FOXN1: variants seen among roughly 807,000 people sequenced by gnomAD.
The protein encoded by FOXN1 is forkhead box N1.
In FOXN1, 15 loss-of-function variants were observed where a neutral mutation model predicts 49.0. The observed-to-expected ratio is 0.31, with a 90% confidence interval of 0.20 to 0.47. The LOEUF (loss-of-function observed/expected upper bound fraction) is 0.47. FOXN1 is among the 20% of genes least tolerant of loss of function. The pLI is 1.00. For missense variants in FOXN1, 800 were observed against 842.8 expected, an observed-to-expected ratio of 0.95 and a Z score of 0.63; for synonymous variants, 356 against 369.0, an observed-to-expected ratio of 0.96 and a Z score of 0.40.
intron 6 of FOXN1, among the ~76,000 whole-genome samples, chr17:28,532,152 A>G (rs1298380932): frequency 6.6e-6 from 1 of 152,000 alleles, no homozygotes; most frequent in Non-Finnish European, 1.5e-5. Context: ...CTTCCCCACC[A>G]GCTCCCGGCC....
intron 4 of FOXN1, among the ~76,000 whole-genome samples, chr17:28,528,767 C>G (rs1005830831): frequency 1.3e-5 from 2 of 152,230 alleles, no homozygotes; most frequent in Non-Finnish European, 2.9e-5. Flanking sequence ...GCACTGGGAG[C>G]ACCTTCCTGG....
At chr17:28,524,326 T>A (rs1197087523) in intron 2 of FOXN1, among the ~76,000 whole-genome samples, 177 bp from the exon 3 acceptor site, 1 of 138,426 alleles carries the variant, frequency 7.2e-6, no homozygotes, top group Admixed American at 7.3e-5. Flanking sequence ...CCAGGTTTCA[T>A]GGCAGGGTGC....
At chr17:28,531,524 G>C (rs991216064) in intron 6 of FOXN1, among the ~76,000 whole-genome samples, 5 of 152,256 alleles carry the variant, frequency 3.3e-5, no homozygotes, top group African/African-American at 1.2e-4. Flanking sequence ...CATCAGACAG[G>C]GTGGTCCATT....
rs558599842 is a variant in FOXN1 at position 28,517,975 on chromosome 17, C to G, written c.-14-5981C>G. 8.1e-3 allele frequency among the ~76,000 whole-genome samples: 941 copies of G among 116,380 alleles called. 1 individual carries two copies. Among genetic ancestry groups the G allele is most frequent in the African/African-American group, 0.018 (512 of 28,046 alleles). 76.3% of individuals were successfully genotyped at this position (116,380 alleles called of 152,430 possible). ...ACACACCTCCACAGGGTACATGCCT[C>G]CACTGGGTACACACCTCCACAGGAT... On this transcript the variant is annotated intron_variant, in intron 1 of 8. Transcript: ENST00000579795.
chr17:28,533,493 C>A (rs1005939032), intron 6 of FOXN1, among the ~76,000 whole-genome samples: 2 of 143,042 alleles, frequency 1.4e-5, no homozygotes, highest in Non-Finnish European at 3.0e-5. Flanking sequence ...GCACCCCCCC[C>A]CACTGCCTGA....
chr17:28,527,113 C>T (rs1597555074), intron 3 of FOXN1, 138 bp from the exon 4 acceptor site: 1 of 715,114 alleles, frequency 1.4e-6, no homozygotes, highest in Non-Finnish European at 2.6e-6. Flanking sequence ...CTCTGCCCTT[C>T]TCTGTTCTCT....
At position 28,524,644 on chromosome 17, in the gene FOXN1, G is replaced by T; in HGVS notation, c.265G>T (p.Gly89Trp). ...CCACTGCCCAGCCGGCCCCGGCCCTGGGCCCTTCAGGCTCTCACCCTCAGA... is the reference window on the plus strand; with the variant it reads ...CCACTGCCCAGCCGGCCCCGGCCCTTGGCCCTTCAGGCTCTCACCCTCAGA... ...QGHCPAGPGP[G>W]PFRLSPSDKY... Residue 89 changes from glycine to tryptophan, a missense_variant, in exon 3 of 9, where the codon GGG becomes TGG. By Grantham distance (184) the Gly-to-Trp change is radical. Coordinates refer to ENST00000579795, the MANE Select transcript of FOXN1 (RefSeq NM_001369369.1). The T allele has an allele frequency of 1.2e-6, 2 of 1,613,704 alleles. No homozygotes were observed. Among genetic ancestry groups the T allele is most frequent in the Non-Finnish European group, 1.7e-6 (2 of 1,179,966 alleles).
intron 1 of FOXN1, among the ~76,000 whole-genome samples, chr17:28,516,227 G>A (rs1367393867): frequency 1.4e-5 from 2 of 145,700 alleles, no homozygotes; most frequent in African/African-American, 5.2e-5. Flanking sequence ...GCTCCAAAGG[G>A]TACACATCTC....
intron 3 of FOXN1, 131 bp downstream of exon 3, chr17:28,525,098 T>C (rs986291121): frequency 6.5e-6 from 5 of 768,624 alleles, no homozygotes; most frequent in Non-Finnish European, 1.1e-5. Context: ...GACCAGAGAG[T>C]TGGGGCCTCC....
rs546863359 is a variant in FOXN1, at chr17:28,537,331, C to T, written c.1842C>T (p.Thr614=). ...GGGCACTGGGTGACCTGCACCTCACCACCCTCTACTCTGCCTTTATGGAGC... is the reference window on the plus strand; with the variant it reads ...GGGCACTGGGTGACCTGCACCTCACTACCCTCTACTCTGCCTTTATGGAGC... ...GSGALGDLHL[T]TLYSAFMELE... is the part of the protein sequence containing the mutation. Residue 614 remains threonine, a synonymous_variant, in exon 9 of 9, where the codon ACC becomes ACT. Transcript: ENST00000579795. The T allele has an allele frequency of 2.5e-6, 4 of 1,613,436 alleles. No homozygotes were observed. The African/African-American group carries it at 5.3e-5, about 22-fold the overall frequency.
chr17:28,529,152 A>G lies in FOXN1; in HGVS notation c.758A>G (p.Tyr253Cys). Residue 253 changes from tyrosine (Y) to cysteine (C), a missense_variant, in exon 5 of 9, where the codon TAC becomes TGC. Tyr to Cys is a radical substitution (Grantham distance 194). This residue lies in a region of FOXN1 where 383 missense variants were observed against 357.9 expected (regional missense o/e 1.07). Coordinates refer to ENST00000579795, the MANE Select transcript of FOXN1 (RefSeq NM_001369369.1). ...IPYLGSSHYQ[Y>C]QRMAPQASTD... is the part of the protein sequence containing the mutation. Reference sequence around the variant, plus strand: ...TACCTGGGCTCCTCACACTATCAGTACCAGCGAATGGCACCCCAGGCCAGC... The same window carrying G: ...TACCTGGGCTCCTCACACTATCAGTGCCAGCGAATGGCACCCCAGGCCAGC... 1 of 1,614,178 alleles carries G rather than the reference A, an allele frequency of 6.2e-7. No individual in the cohort carries two copies. The highest frequency in any genetic ancestry group is 8.5e-7 in the Non-Finnish European group (1 of 1,180,016).
At chr17:28,533,009 G>A (rs971148261) in intron 6 of FOXN1, among the ~76,000 whole-genome samples, 1 of 152,130 alleles carries the variant, frequency 6.6e-6, no homozygotes, top group Admixed American at 6.5e-5. Flanking sequence ...GGTGACCCTG[G>A]GAGCCTTAGG....
intron 1 of FOXN1, among the ~76,000 whole-genome samples, chr17:28,516,464 GGTACACACTTCCACAGA>G (rs2069504023): frequency 6.7e-6 from 1 of 148,412 alleles, no homozygotes; most frequent in Non-Finnish European, 1.5e-5. Context: ...ACCTCCACAG[GGTACACACTTCCACAGA>G]GTACACACCT....
chr17:28,534,632 A>G lies in FOXN1; in HGVS notation c.1136-75A>G. On this transcript the variant is annotated intron_variant, in intron 7 of 8. Coordinates refer to ENST00000579795, the MANE Select transcript of FOXN1 (RefSeq NM_001369369.1). The surrounding 1 kb of genome is among the most constrained non-coding windows in gnomAD (Gnocchi z 4.1). ...AATCAGAGAATGAGGCAAGGCCCCG[A>G]GTAAGGGTTCCAGTCTGGGGAAGAC... The G allele has an allele frequency of 1.9e-6, 3 of 1,604,374 alleles. 1 individual carries two copies. Among genetic ancestry groups the G allele is most frequent in the Middle Eastern group, 3.4e-4 (2 of 5,830 alleles).
chr17:28,516,743 A>G (rs2069513790), intron 1 of FOXN1, among the ~76,000 whole-genome samples: 1 of 141,376 alleles, frequency 7.1e-6, no homozygotes, highest in Non-Finnish European at 1.5e-5. Flanking sequence ...CAGGGTACAC[A>G]CTTCCACAGG....
In FOXN1 at chr17:28,534,337, C is replaced by G; in HGVS notation, c.934C>G (p.Pro312Ala). Residue 312 changes from proline (P) to alanine (A), a missense_variant, in exon 7 of 9, where the codon CCC (proline) becomes GCC (alanine). By Grantham distance (27) the Pro-to-Ala change is conservative. Around this residue, in one of 3 missense-constraint regions of FOXN1, gnomAD observed 73 missense variants for 118.9 expected, o/e 0.61. Coordinates refer to ENST00000579795, the MANE Select transcript of FOXN1 (RefSeq NM_001369369.1). The surrounding 1 kb of genome is among the most constrained non-coding windows in gnomAD (Gnocchi z 4.1). ...TCTTGCTCTGTTCCGGCAGACAGCA[C>G]CCGATGGCTGGAAGAATTCTGTCCG... Reference protein sequence around the residue: ...TEHFPYFKTAPDGWKNSVRHN... With the variant: ...TEHFPYFKTAADGWKNSVRHN... 6.2e-7 allele frequency: 1 copy of G among 1,614,116 alleles called. No individual in the cohort carries two copies. The highest frequency in any genetic ancestry group is 8.5e-7 in the Non-Finnish European group (1 of 1,180,000).
At chr17:28,526,276 C>T (rs1358379347) in intron 3 of FOXN1, among the ~76,000 whole-genome samples, 2 of 152,238 alleles carry the variant, frequency 1.3e-5, no homozygotes, top group Non-Finnish European at 2.9e-5. Flanking sequence ...GTGCTCTTGG[C>T]CCTTCTAGGC....
At chr17:28,510,227 C>G (rs2069359685) in intron 1 of FOXN1, among the ~76,000 whole-genome samples, 1 of 152,168 alleles carries the variant, frequency 6.6e-6, no homozygotes, top group African/African-American at 2.4e-5. Flanking sequence ...CCGGGGCCTT[C>G]AGGGCTCCCC....
chr17:28,508,446 C>T (rs990287598), intron 1 of FOXN1, among the ~76,000 whole-genome samples: 3 of 152,222 alleles, frequency 2.0e-5, no homozygotes, highest in East Asian at 1.9e-4. Flanking sequence ...CCTTTCCCCC[C>T]ATCCCCCAGA....
Sources: allele counts gnomAD v4.1 joint callset (sites outside exome capture counted in the v4.1 genomes callset), GRCh38; gene constraint gnomAD v4.1.1; regional missense constraint gnomAD v4.1.1; non-coding constraint Gnocchi (gnomAD v3.1); transcripts MANE v1.5; gene names NCBI Gene and HGNC (gene_info 2026-07-23, HGNC 2026-07-21).